Variants in MAP4 observed in about 807,000 individuals in gnomAD.
MAP4 encodes the protein microtubule associated protein 4.
In MAP4, 76 loss-of-function variants were observed where a neutral mutation model predicts 170.2. The ratio of observed to expected loss-of-function variants is 0.45; its 90% CI spans 0.37 to 0.54. The LOEUF (loss-of-function observed/expected upper bound fraction) is 0.54. MAP4 is among the 20% of genes least tolerant of loss of function. MAP4 has a pLI of 0.00. For missense variants in MAP4, 2,506 were observed against 2,748.0 expected, an observed-to-expected ratio of 0.91 and a Z score of 1.97; for synonymous variants, 909 against 994.5, an observed-to-expected ratio of 0.91 and a Z score of 1.62.
Position 47,995,140 on chromosome 3 carries a change from T to C in MAP4, c.223+3498A>G, listed in dbSNP as rs183343089. 3.9e-3 allele frequency among the ~76,000 whole-genome samples: 594 copies of C among 152,204 alleles called. 11 individuals are homozygous for C. The highest frequency in any genetic ancestry group is 3.5e-3 in the Non-Finnish European group (237 of 68,004). On this transcript the variant is annotated intron_variant, in intron 2 of 20. Coordinates refer to ENST00000683076, the MANE Select transcript of MAP4 (RefSeq NM_001385682.1). Reference sequence around the variant, plus strand: ...CCTGTTCAAAAAATGTATGAGTTTCTGGAAAATTGAATTAAAGGATAAAAA... The same window carrying C: ...CCTGTTCAAAAAATGTATGAGTTTCCGGAAAATTGAATTAAAGGATAAAAA...
rs376549564 is a variant in MAP4 at position 47,900,735 on chromosome 3, AAACAACAAC to A, written c.5434+2206_5434+2214del. The stretch of plus-strand genomic sequence containing the variant: ...TGGGCTACAGAGGGAGACTGTCTCA[AAACAACAAC>A]AACAACAACAACAACAACTCTAAAA... On this transcript the variant is annotated intron_variant, in intron 10 of 20. Coordinates refer to ENST00000683076, the MANE Select transcript of MAP4 (RefSeq NM_001385682.1). Among the ~76,000 whole-genome samples, 633 of 151,974 alleles carry A rather than the reference AAACAACAAC, an allele frequency of 4.2e-3. 6 individuals are homozygous for A. Among genetic ancestry groups the A allele is most frequent in the African/African-American group, 0.014 (598 of 41,464 alleles).
intron 1 of MAP4, among the ~76,000 whole-genome samples, chr3:48,044,165 T>C (rs2100123124): frequency 6.7e-6 from 1 of 148,368 alleles, no homozygotes. Flanking sequence ...TTTTTTTGTT[T>C]TTGTTTTTTG....
chr3:48,052,427 G>C lies in MAP4; in HGVS notation c.-20+36346C>G, dbSNP rs115157161. The stretch of plus-strand genomic sequence containing the variant: ...AGGAAAGACAGGGTTTCGCTATATC[G>C]GTCGGGCTGGTCTTGAACTCCTGGC... On this transcript the variant is annotated intron_variant, in intron 1 of 18. Transcript: ENST00000360240. Among the ~76,000 whole-genome samples, 644 of 152,152 alleles carry C rather than the reference G, an allele frequency of 4.2e-3. 5 individuals are homozygous for C. The highest frequency in any genetic ancestry group is 0.014 in the African/African-American group (586 of 41,518).
intron 1 of MAP4, among the ~76,000 whole-genome samples, chr3:48,075,284 G>C (rs2100143276): frequency 6.6e-6 from 1 of 152,112 alleles, no homozygotes; most frequent in Non-Finnish European, 1.5e-5. Flanking sequence ...CAGAACTTTG[G>C]GAGGCCGAGT....
chr3:47,928,734 T>C (rs1196832633), intron 3 of MAP4, among the ~76,000 whole-genome samples: 1 of 151,626 alleles, frequency 6.6e-6, no homozygotes, highest in African/African-American at 2.4e-5. Context: ...GAGTGACTTC[T>C]AGGTTATGCA....
At chr3:48,066,986 G>C (rs554026560) in intron 1 of MAP4, among the ~76,000 whole-genome samples, 2 of 151,594 alleles carry the variant, frequency 1.3e-5, no homozygotes, top group Non-Finnish European at 2.9e-5. Flanking sequence ...GACCACAAGC[G>C]CCCATCACCA....
At chr3:48,001,560 C>T (rs906831037) in intron 1 of MAP4, among the ~76,000 whole-genome samples, 2 of 152,078 alleles carry the variant, frequency 1.3e-5, no homozygotes, top group African/African-American at 4.8e-5. Context: ...CTTTTTGAGG[C>T]AGAGTCTTGC....
intron 1 of MAP4, among the ~76,000 whole-genome samples, chr3:48,050,548 T>A (rs1400797311): frequency 6.6e-6 from 1 of 151,898 alleles, no homozygotes; most frequent in Middle Eastern, 3.2e-3. Context: ...TCGGTTTTCA[T>A]TTAATATTCC....
chr3:48,003,030 A>C (rs558843122), intron 1 of MAP4, among the ~76,000 whole-genome samples: 31 of 152,012 alleles, frequency 2.0e-4, no homozygotes, highest in Non-Finnish European at 3.7e-4. Context: ...AACTATAATA[A>C]AGTTAAATCC....
At chr3:48,055,714 G>A (rs1258927431) in intron 1 of MAP4, among the ~76,000 whole-genome samples, 1 of 81,052 alleles carries the variant, frequency 1.2e-5, no homozygotes, top group Non-Finnish European at 2.6e-5. Flanking sequence ...AGTCTGGAAA[G>A]TGAGGAGCGT....
rs1560016218 is a variant in MAP4, at chr3:47,910,220, C to T, written c.4201G>A (p.Gly1401Arg). 6.2e-7 allele frequency: 1 copy of T among 1,611,992 alleles called. No individual in the cohort carries two copies. The highest frequency in any genetic ancestry group is 8.5e-7 in the Non-Finnish European group (1 of 1,179,860). The stretch of plus-strand genomic sequence containing the variant: ...TCCATATAGGCCATTCCTTCAATTC[C>T]CTGGTCCCCTGTGGTTTCCATGGGA... ...HVPMETTGDQ[G>R]IEGMAYMDEN... Residue 1401 changes from glycine to arginine, a missense_variant, in exon 9 of 21, where the codon GGA (glycine) becomes AGA (arginine). Coordinates refer to ENST00000683076, the MANE Select transcript of MAP4 (RefSeq NM_001385682.1).
intron 1 of MAP4, among the ~76,000 whole-genome samples, chr3:48,062,728 G>C (rs2100136470): frequency 6.6e-6 from 1 of 151,580 alleles, no homozygotes; most frequent in Non-Finnish European, 1.5e-5. Context: ...TTCGAGACCA[G>C]CCTGACCAAC....
chr3:48,022,643 C>A (rs1355696815), intron 1 of MAP4, among the ~76,000 whole-genome samples: 1 of 152,140 alleles, frequency 6.6e-6, no homozygotes, highest in Non-Finnish European at 1.5e-5. Flanking sequence ...GTAATCCCAG[C>A]ACTTTGCGAG....
intron 12 of MAP4, among the ~76,000 whole-genome samples, chr3:47,872,696 G>A (rs1193387910): frequency 6.6e-6 from 1 of 151,938 alleles, no homozygotes; most frequent in Non-Finnish European, 1.5e-5. Flanking sequence ...AGCCCTGATG[G>A]GTACATCACC....
chr3:48,043,769 G>A (rs551851474), intron 1 of MAP4, among the ~76,000 whole-genome samples: 4 of 152,084 alleles, frequency 2.6e-5, no homozygotes, highest in African/African-American at 7.2e-5. Context: ...GTGCAAAACC[G>A]TAAAAGTAAG....
intron 17 of MAP4, among the ~76,000 whole-genome samples, chr3:47,859,006 T>G (rs933598456): frequency 1.3e-5 from 2 of 151,856 alleles, no homozygotes; most frequent in Admixed American, 6.6e-5. Context: ...GGCAGGTGCC[T>G]GTAGTCCCAG....
chr3:47,975,303 A>AT, intron 3 of MAP4: 1 of 1,511,354 alleles, frequency 6.6e-7, no homozygotes, highest in Non-Finnish European at 8.9e-7. Flanking sequence ...GCATCAGCAG[A>AT]AATAGGCCCC....
At chr3:47,930,994 C>T (rs370474336) in intron 3 of MAP4, among the ~76,000 whole-genome samples, 10 of 151,644 alleles carry the variant, frequency 6.6e-5, no homozygotes, top group African/African-American at 1.9e-4. Flanking sequence ...ATATATAATG[C>T]GTAATATGCA....
Position 47,918,723 on chromosome 3 carries a change from C to A in MAP4, c.648G>T (p.Thr216=). Residue 216 remains threonine, a synonymous_variant, in exon 6 of 21, where the codon ACG becomes ACT. Transcript: ENST00000683076. ...AGGGAGTCTCTAATAGTTTACCTGC[C>A]GTTGGCTGAGGAGGTTCTGCAACAG... ...PEAVAEPPQP[T]AVPLELAKEI... The A allele has an allele frequency of 1.2e-6, 2 of 1,608,882 alleles. No individual in the cohort carries two copies. Among genetic ancestry groups the A allele is most frequent in the South Asian group, 2.2e-5 (2 of 90,934 alleles).
Sources: gnomAD v4.1 joint callset for allele counts (sites outside exome capture counted in the v4.1 genomes callset) on GRCh38, gnomAD v4.1.1 for gene constraint, MANE v1.5 for transcripts, NCBI Gene and HGNC (gene_info 2026-07-23, HGNC 2026-07-21) for gene names.